The following SYT1 variants were observed in gnomAD, a reference collection of about 807,000 sequenced individuals.
The protein encoded by SYT1 is synaptotagmin 1.
SYT1 carries 8 observed loss-of-function variants against 44.8 expected under a neutral mutation model. The observed-to-expected ratio is 0.18, with a 90% CI of 0.10 to 0.32. SYT1 has a LOEUF of 0.32. Among genes scored for constraint, SYT1 ranks in the 10% least tolerant of loss-of-function variants. The pLI is 1.00. For synonymous variants in SYT1, 154 were observed against 188.8 expected (o/e 0.82, Z 1.51); for missense variants, 286 against 509.3 (o/e 0.56, Z 4.22).
intron 3 of SYT1, among the ~76,000 whole-genome samples, chr12:79,079,189 T>C (rs1409294598): frequency 6.6e-6 from 1 of 152,206 alleles, no homozygotes; most frequent in African/African-American, 2.4e-5. Context: ...GGCAAAACTA[T>C]TGTCACAAGT....
intron 2 of SYT1, among the ~76,000 whole-genome samples, chr12:78,996,080 A>G (rs1306865283): frequency 6.7e-6 from 1 of 150,118 alleles, no homozygotes; most frequent in Non-Finnish European, 1.5e-5. Flanking sequence ...GATTGTTACA[A>G]TAAGGTCTGG....
rs398044555 is a variant in SYT1 at position 78,941,065 on chromosome 12, C to CTTTTTTTTTTT, written c.-216-36726_-216-36716dup. ...CTTTACTTTTTTTTTCTTTTTTTTT[C>CTTTTTTTTTTT]TTTTTTTTTTTTTTTTTTGAGATGG... On this transcript the variant is annotated intron_variant, in intron 1 of 10. Coordinates refer to ENST00000261205, the MANE Select transcript of SYT1 (RefSeq NM_005639.3). 8.4e-3 allele frequency among the ~76,000 whole-genome samples: 574 copies of CTTTTTTTTTTT among 68,442 alleles called. 1 individual carries two copies. The highest frequency in any genetic ancestry group is 0.015 in the East Asian group (35 of 2,388). The allele number at this position is 68,442 out of a possible 152,430, so 44.9% of individuals were successfully genotyped here. A position where few individuals can be genotyped will look rare whatever the true frequency, so the allele number is the denominator to read the frequency against.
intron 4 of SYT1, among the ~76,000 whole-genome samples, chr12:79,284,934 C>T (rs1023755226): frequency 6.6e-6 from 1 of 152,006 alleles, no homozygotes; most frequent in Non-Finnish European, 1.5e-5. Flanking sequence ...TCCCTTTCAT[C>T]TTTAAGCCAG....
upstream of SYT1, chr12:78,864,688 C>G (rs113559019): frequency 0.03 from 4,587 of 152,734 alleles, 232 homozygotes; most frequent in African/African-American, 0.1. Context: ...TGCTGGGGCT[C>G]GGAGATGATG....
intron 4 of SYT1, among the ~76,000 whole-genome samples, chr12:79,261,196 G>C (rs1877811701): frequency 6.6e-6 from 1 of 152,170 alleles, no homozygotes; most frequent in South Asian, 2.1e-4. Flanking sequence ...GAATATAAAT[G>C]ATGGCCAGGC....
At chr12:79,330,382 G>A (rs564114051) in intron 8 of SYT1, among the ~76,000 whole-genome samples, 12 of 152,270 alleles carry the variant, frequency 7.9e-5, no homozygotes, top group Middle Eastern at 3.4e-3. Context: ...TAACAGTATC[G>A]TACTGGCATG....
Position 79,292,200 on chromosome 12 carries a change from G to A in SYT1, c.474+70G>A, listed in dbSNP as rs1592936279. ...AATTACCAAGTAGAAATTGCAGCAA[G>A]ATACCTCTTAAAATATTTTGTTTGC... On this transcript the variant is annotated intron_variant, in intron 6 of 10. Transcript: ENST00000261205. 6 of 1,536,902 alleles carry A rather than the reference G, an allele frequency of 3.9e-6. No individual in the cohort carries two copies. In the East Asian group the frequency reaches 1.4e-4, roughly 35 times the overall value.
intron 9 of SYT1, among the ~76,000 whole-genome samples, chr12:79,415,764 T>A (rs1270024413): frequency 6.6e-6 from 1 of 152,202 alleles, no homozygotes; most frequent in Non-Finnish European, 1.5e-5. Context: ...GCATTTTAAA[T>A]GTTAATAGAT....
chr12:78,998,419 T>G (rs1417675695), intron 2 of SYT1, among the ~76,000 whole-genome samples: 1 of 152,180 alleles, frequency 6.6e-6, no homozygotes, highest in African/African-American at 2.4e-5. Flanking sequence ...CTGCTTGCTT[T>G]GTTCAGGGAT....
intron 3 of SYT1, among the ~76,000 whole-genome samples, chr12:79,108,671 T>G (rs1007500633): frequency 2.6e-5 from 4 of 152,182 alleles, no homozygotes; most frequent in African/African-American, 7.2e-5. Context: ...CTACACATTA[T>G]TTCTATATTA....
chr12:78,872,372 T>C (rs1873866592), intron 1 of SYT1, among the ~76,000 whole-genome samples: 1 of 151,838 alleles, frequency 6.6e-6, no homozygotes, highest in African/African-American at 2.4e-5. Flanking sequence ...ACAAGTTCTT[T>C]TATGCCTTTG....
intron 8 of SYT1, among the ~76,000 whole-genome samples, chr12:79,302,023 A>G (rs1229732858): frequency 6.6e-6 from 1 of 152,200 alleles, no homozygotes; most frequent in Non-Finnish European, 1.5e-5. Flanking sequence ...CATATTCTCA[A>G]TGATATCTGC....
At chr12:78,889,690 A>G (rs1037297223) in intron 1 of SYT1, among the ~76,000 whole-genome samples, 1 of 151,938 alleles carries the variant, frequency 6.6e-6, no homozygotes, top group South Asian at 2.1e-4. Flanking sequence ...GTTATTGAAC[A>G]TGTGAGATAT....
At chr12:78,924,415 T>C (rs1877184511) in intron 1 of SYT1, among the ~76,000 whole-genome samples, 1 of 151,816 alleles carries the variant, frequency 6.6e-6, no homozygotes, top group African/African-American at 2.4e-5. Context: ...CTTTTTGCAC[T>C]TATTCATGAT....
intron 3 of SYT1, among the ~76,000 whole-genome samples, chr12:79,048,941 A>C (rs1470006997): frequency 6.6e-6 from 1 of 151,962 alleles, no homozygotes; most frequent in East Asian, 1.9e-4. Context: ...AGACTGTCTT[A>C]AAGTTTTGTT....
At chr12:78,890,009 G>A (rs1030126699) in intron 1 of SYT1, among the ~76,000 whole-genome samples, 1 of 151,918 alleles carries the variant, frequency 6.6e-6, no homozygotes, top group Non-Finnish European at 1.5e-5. Flanking sequence ...AGTACAGTTT[G>A]CATCTGGGCC....
At chr12:79,378,670 C>A (rs1884096206) in intron 9 of SYT1, among the ~76,000 whole-genome samples, 1 of 152,112 alleles carries the variant, frequency 6.6e-6, no homozygotes, top group Non-Finnish European at 1.5e-5. Context: ...CAAAACATGA[C>A]CCCCAGTGGG....
chr12:78,937,766 A>G (rs1030639930), intron 1 of SYT1, among the ~76,000 whole-genome samples: 2 of 152,172 alleles, frequency 1.3e-5, no homozygotes, highest in Non-Finnish European at 2.9e-5. Flanking sequence ...AAAATTCTAT[A>G]GTGTGCTATA....
chr12:78,929,652 T>C (rs1019133324), intron 1 of SYT1, among the ~76,000 whole-genome samples: 2 of 150,830 alleles, frequency 1.3e-5, no homozygotes, highest in South Asian at 4.2e-4. Context: ...GAGTTTACAG[T>C]CAGAAAATGT....
Sources: allele counts gnomAD v4.1 joint callset (sites outside exome capture counted in the v4.1 genomes callset), GRCh38; gene constraint gnomAD v4.1.1; transcripts MANE v1.5; gene names NCBI Gene and HGNC (gene_info 2026-07-23, HGNC 2026-07-21).